Variants in NKAIN3 observed in about 807,000 individuals in gnomAD.
NKAIN3 encodes the protein sodium/potassium transporting ATPase interacting 3, also known as sodium/potassium-transporting ATPase subunit beta-1-interacting protein 3.
Under a neutral mutation model 30.2 loss-of-function variants are expected in NKAIN3, and 25 were observed. The observed-to-expected ratio is 0.83, with a 90% CI of 0.60 to 1.16. NKAIN3 has a LOEUF of 1.16. NKAIN3 is among the 50% of genes most tolerant of loss of function. The pLI, the probability that NKAIN3 is intolerant of heterozygous loss-of-function variation, is 0.00. For synonymous variants in NKAIN3, 91 were observed against 89.6 expected (o/e 1.02, Z -0.09); for missense variants, 225 against 254.1 (o/e 0.89, Z 0.78).
intron 1 of NKAIN3, among the ~76,000 whole-genome samples, chr8:62,287,044 A>G (rs1179137447): frequency 6.6e-6 from 1 of 150,590 alleles, no homozygotes; most frequent in Non-Finnish European, 1.5e-5. Flanking sequence ...TCATACTACT[A>G]TCTGCATGGC....
At chr8:62,411,274 A>G (rs1804228796) in intron 1 of NKAIN3, among the ~76,000 whole-genome samples, 2 of 152,230 alleles carry the variant, frequency 1.3e-5, no homozygotes, top group African/African-American at 2.4e-5. Context: ...GTAATTTACA[A>G]TATAAACAGA....
intron 4 of NKAIN3, among the ~76,000 whole-genome samples, chr8:62,838,572 G>A (rs1819439215): frequency 6.6e-6 from 1 of 151,926 alleles, no homozygotes; most frequent in South Asian, 2.1e-4. Flanking sequence ...ATAAGTTTCT[G>A]CCAGAGAAAA....
At chr8:62,587,938 T>G (rs1032672020) in intron 2 of NKAIN3, among the ~76,000 whole-genome samples, 3 of 151,986 alleles carry the variant, frequency 2.0e-5, no homozygotes, top group Admixed American at 2.0e-4. Context: ...TTATTATGCA[T>G]TTGTTATAAC....
chr8:62,486,706 A>T (rs1806914524), intron 1 of NKAIN3, among the ~76,000 whole-genome samples: 1 of 152,212 alleles, frequency 6.6e-6, no homozygotes, highest in African/African-American at 2.4e-5. Context: ...AGTGAGGAAG[A>T]CATTATTAAT....
Position 62,271,159 on chromosome 8 carries a change from G to T in NKAIN3, c.54+22032G>T, listed in dbSNP as rs1267482817. ...AAGACTCAAATTATAAATCTAAGTG[G>T]CTCTGCATTCTGCCAAGATTGGAAT... On this transcript the variant is annotated intron_variant, in intron 1 of 6. Transcript: ENST00000623646. Among the ~76,000 whole-genome samples, 6 of 152,086 alleles carry T rather than the reference G, an allele frequency of 3.9e-5. No individual in the cohort carries two copies. In the East Asian group the frequency reaches 9.6e-4, roughly 24 times the overall value.
In NKAIN3 at chr8:62,972,567, G is replaced by A. The variant is rs975368098; in HGVS notation, c.*7160G>A. ...TCGTCTATTTACGTGCTTCTCAGTT[G>A]ACATTTGTGAAGGCAGATTATACAC... is the stretch of plus-strand genomic sequence containing the variant. On this transcript the variant is annotated 3_prime_UTR_variant, in exon 7 of 7. Coordinates refer to ENST00000623646, the MANE Select transcript of NKAIN3 (RefSeq NM_001304533.3). 6.6e-6 allele frequency among the ~76,000 whole-genome samples: 1 copy of A among 152,008 alleles called. No homozygotes were observed. The highest frequency in any genetic ancestry group is 2.4e-5 in the African/African-American group (1 of 41,380).
At chr8:62,648,803 G>T (rs1446465246) in intron 3 of NKAIN3, among the ~76,000 whole-genome samples, 1 of 152,174 alleles carries the variant, frequency 6.6e-6, no homozygotes. Flanking sequence ...CAGGCTGGTT[G>T]AGCCAAGGTG....
chr8:62,594,622 A>C (rs935178775), intron 3 of NKAIN3, among the ~76,000 whole-genome samples: 1 of 152,118 alleles, frequency 6.6e-6, no homozygotes, highest in African/African-American at 2.4e-5. Flanking sequence ...TCACTCTGTC[A>C]CATGGCAGAA....
At chr8:62,507,265 A>G (rs1807672207) in intron 1 of NKAIN3, among the ~76,000 whole-genome samples, 1 of 152,212 alleles carries the variant, frequency 6.6e-6, no homozygotes, top group South Asian at 2.1e-4. Flanking sequence ...AATGTGAACA[A>G]AGCGTAAATG....
intron 1 of NKAIN3, among the ~76,000 whole-genome samples, chr8:62,570,473 A>T (rs1199570798): frequency 6.6e-6 from 1 of 152,188 alleles, no homozygotes; most frequent in Non-Finnish European, 1.5e-5. Context: ...CGTGGTTGGG[A>T]GGCCTCACAA....
intron 3 of NKAIN3, among the ~76,000 whole-genome samples, chr8:62,606,257 C>A (rs1811127417): frequency 6.6e-6 from 1 of 151,986 alleles, no homozygotes; most frequent in East Asian, 1.9e-4. Flanking sequence ...AGGGAGGTAT[C>A]GAGTTACAGA....
At chr8:62,880,640 G>A (rs1820947548) in intron 4 of NKAIN3, among the ~76,000 whole-genome samples, 1 of 152,148 alleles carries the variant, frequency 6.6e-6, no homozygotes, top group Non-Finnish European at 1.5e-5. Flanking sequence ...ACAGCTTTGT[G>A]CACACTTACA....
chr8:62,420,896 T>TA (rs1804617570), intron 1 of NKAIN3, among the ~76,000 whole-genome samples: 1 of 152,170 alleles, frequency 6.6e-6, no homozygotes, highest in Non-Finnish European at 1.5e-5. Context: ...AACCACTTTT[T>TA]ATAGAACAGA....
At chr8:62,640,275 G>A (rs1047588658) in intron 3 of NKAIN3, among the ~76,000 whole-genome samples, 10 of 152,026 alleles carry the variant, frequency 6.6e-5, no homozygotes, top group East Asian at 1.9e-4. Context: ...TCACGGGGGC[G>A]GTTTCCCCCA....
At chr8:62,569,255 G>T (rs1240739734) in intron 1 of NKAIN3, among the ~76,000 whole-genome samples, 1 of 152,158 alleles carries the variant, frequency 6.6e-6, no homozygotes, top group Admixed American at 6.5e-5. Context: ...GTAGGATCAT[G>T]ATACAAATGC....
At chr8:62,953,831 T>C (rs1050827321) in intron 5 of NKAIN3, 71 bp from the exon 6 acceptor site, 1 of 350,852 alleles carries the variant, frequency 2.9e-6, no homozygotes, top group Non-Finnish European at 4.0e-6. Context: ...CTCTTATGCA[T>C]TCTATTTTAA....
chr8:62,918,309 C>A, intron 4 of NKAIN3, 144 bp from the exon 5 acceptor site: 1 of 672,156 alleles, frequency 1.5e-6, no homozygotes, highest in South Asian at 1.8e-5. Context: ...CTTTTAAAAT[C>A]ACAGCTATCA....
At chr8:62,317,944 G>A (rs148210349) in intron 1 of NKAIN3, among the ~76,000 whole-genome samples, 1 of 151,964 alleles carries the variant, frequency 6.6e-6, no homozygotes, top group African/African-American at 2.4e-5. Flanking sequence ...GTATCCTCTT[G>A]TATTTCATTG....
chr8:62,384,050 G>A (rs964845766), intron 1 of NKAIN3, among the ~76,000 whole-genome samples: 1 of 152,002 alleles, frequency 6.6e-6, no homozygotes. Flanking sequence ...GTCACTCATG[G>A]CACTTTGTAT....
Sources: allele counts gnomAD v4.1 joint callset (sites outside exome capture counted in the v4.1 genomes callset), GRCh38; gene constraint gnomAD v4.1.1; transcripts MANE v1.5; gene names NCBI Gene and HGNC (gene_info 2026-07-23, HGNC 2026-07-21).